DPP10: variants seen among roughly 807,000 people sequenced by gnomAD.
The protein encoded by DPP10 is inactive dipeptidyl peptidase 10.
DPP10 carries 33 observed loss-of-function variants against 120.9 expected under a neutral mutation model. That is an observed-to-expected ratio of 0.27 (90% CI 0.21 to 0.37). The LOEUF is 0.37. Ranked by LOEUF, DPP10 falls within the 10% of genes least tolerant of loss-of-function variation. DPP10 has a pLI of 1.00. For synonymous variants in DPP10, 337 were observed against 326.1 expected (o/e 1.03, Z -0.36); for missense variants, 816 against 942.8 (o/e 0.87, Z 1.76).
chr2:114,643,867 T>TTGTGTGTGTGTGTA lies in DPP10; in HGVS notation c.60+201051_60+201064dup, dbSNP rs1553475268. 9.3e-5 allele frequency among the ~76,000 whole-genome samples: 14 copies of TTGTGTGTGTGTGTA among 149,942 alleles called. No individual in the cohort carries two copies. In the South Asian group the frequency reaches 1.7e-3, roughly 18 times the overall value. On this transcript the variant is annotated intron_variant, in intron 1 of 25. Coordinates refer to ENST00000410059, the MANE Select transcript of DPP10 (RefSeq NM_020868.6). ...CTAAACCCACTTGATTAGTGTGTGT[T>TTGTGTGTGTGTGTA]TGTGTGTGTGTGTATGTGTGTGTGT... is the stretch of plus-strand genomic sequence containing the variant.
In DPP10 at chr2:114,671,735, G is replaced by A. The variant is rs1698355137; in HGVS notation, c.60+228897G>A. On this transcript the variant is annotated intron_variant, in intron 1 of 25. Transcript: ENST00000410059. Reference sequence around the variant, plus strand: ...TTTGCCAGTAAACATAATATGTAAGGGCTGCTGGGTTGTGTTACAGGTATT... The same window carrying A: ...TTTGCCAGTAAACATAATATGTAAGAGCTGCTGGGTTGTGTTACAGGTATT... Among the ~76,000 whole-genome samples the A allele has an allele frequency of 2.6e-5, 4 of 151,942 alleles. No homozygotes were observed. The South Asian group carries it at 8.3e-4, about 32-fold the overall frequency.
At chr2:115,210,435 G>A (rs969706964) in intron 1 of DPP10, among the ~76,000 whole-genome samples, 1 of 152,138 alleles carries the variant, frequency 6.6e-6, no homozygotes, top group East Asian at 1.9e-4. Context: ...GGACATTTGG[G>A]TTGGTTCCAA....
intron 5 of DPP10, among the ~76,000 whole-genome samples, chr2:115,623,318 AT>A (rs2149290098): frequency 6.6e-6 from 1 of 152,214 alleles, no homozygotes; most frequent in Non-Finnish European, 1.5e-5. Flanking sequence ...ATCATGTTTT[AT>A]TTACAAGTGA....
At chr2:115,279,593 G>GGGTAGCAT (rs2060059851) in intron 1 of DPP10, among the ~76,000 whole-genome samples, 2 of 147,960 alleles carry the variant, frequency 1.4e-5, no homozygotes, top group Admixed American at 1.3e-4. Context: ...CCAGAATTTT[G>GGGTAGCAT]GGTAGCATTT....
chr2:115,679,101 T>G (rs1161584359), intron 5 of DPP10, among the ~76,000 whole-genome samples: 1 of 152,184 alleles, frequency 6.6e-6, no homozygotes, highest in Non-Finnish European at 1.5e-5. Context: ...GACTTTGGAC[T>G]ATGGAATTTT....
chr2:115,625,900 G>A (rs879499421), intron 5 of DPP10, among the ~76,000 whole-genome samples: 2 of 151,922 alleles, frequency 1.3e-5, no homozygotes, highest in Admixed American at 6.6e-5. Flanking sequence ...TATAATTACA[G>A]TATTTTAACT....
chr2:115,614,458 C>A (rs992663806), intron 5 of DPP10, among the ~76,000 whole-genome samples: 5 of 152,176 alleles, frequency 3.3e-5, no homozygotes, highest in Admixed American at 6.5e-5. Flanking sequence ...CTGAGTCTCA[C>A]TTTCTTGCCC....
chr2:115,738,573 C>G (rs1676885659), intron 8 of DPP10, among the ~76,000 whole-genome samples: 1 of 152,086 alleles, frequency 6.6e-6, no homozygotes, highest in Non-Finnish European at 1.5e-5. Flanking sequence ...CCTATTTCAA[C>G]AAGCATTTGT....
intron 1 of DPP10, among the ~76,000 whole-genome samples, chr2:114,534,928 T>C (rs1356069259): frequency 1.3e-5 from 2 of 152,158 alleles, no homozygotes; most frequent in African/African-American, 4.8e-5. Context: ...ATTTGAGGAT[T>C]CTGTGGTGTA....
chr2:115,774,948 C>A (rs765587307), intron 13 of DPP10, among the ~76,000 whole-genome samples: 7 of 152,112 alleles, frequency 4.6e-5, no homozygotes, highest in Non-Finnish European at 7.4e-5. Context: ...TGACAGATTA[C>A]ACTCTCTGAA....
intron 3 of DPP10, among the ~76,000 whole-genome samples, chr2:115,471,625 C>T (rs2074724943): frequency 6.6e-6 from 1 of 151,184 alleles, no homozygotes; most frequent in Admixed American, 6.6e-5. Flanking sequence ...CTCACACTCT[C>T]ACACAGACTG....
At chr2:115,142,091 C>A (rs2050958452) in intron 1 of DPP10, among the ~76,000 whole-genome samples, 1 of 152,096 alleles carries the variant, frequency 6.6e-6, no homozygotes. Context: ...GAGTTATGTG[C>A]TCCATAGTTA....
intron 1 of DPP10, among the ~76,000 whole-genome samples, chr2:114,663,662 T>TAGAGAGAGAGAGAGAGAGAGAG (rs1407543024): frequency 2.0e-4 from 19 of 94,992 alleles, no homozygotes; most frequent in African/African-American, 1.2e-3. Context: ...TATATATATA[T>TAGAGAGAGAGAGAGAGAGAGAG]ATATATAGAG....
intron 1 of DPP10, among the ~76,000 whole-genome samples, chr2:115,207,389 T>A (rs17355679): frequency 7.3e-6 from 1 of 136,570 alleles, no homozygotes; most frequent in East Asian, 2.2e-4. Flanking sequence ...TAATGACTTG[T>A]GGGTTTTTAA....
chr2:115,719,522 T>G (rs1186545334), intron 7 of DPP10, among the ~76,000 whole-genome samples: 1 of 152,132 alleles, frequency 6.6e-6, no homozygotes, highest in East Asian at 1.9e-4. Context: ...ACAGAGAGAT[T>G]TATTTAAGAC....
At chr2:115,403,044 AAC>A (rs1459321152) in intron 3 of DPP10, among the ~76,000 whole-genome samples, 1 of 150,876 alleles carries the variant, frequency 6.6e-6, no homozygotes, top group Admixed American at 6.6e-5. Context: ...CCAGTTCAAG[AAC>A]ACATTAAAAG....
intron 1 of DPP10, among the ~76,000 whole-genome samples, chr2:114,683,803 G>T (rs553967143): frequency 2.6e-5 from 4 of 151,654 alleles, no homozygotes; most frequent in Non-Finnish European, 5.9e-5. Flanking sequence ...GAAAGCTCAG[G>T]GACATCAGCC....
At chr2:114,578,531 CA>C (rs146272955) in intron 1 of DPP10, among the ~76,000 whole-genome samples, 1,526 of 152,138 alleles carry the variant, frequency 0.01, 29 homozygotes, top group African/African-American at 0.034. Context: ...ACATCTTTCC[CA>C]ACTCCCATTT....
chr2:114,690,492 A>G (rs1016020314), intron 1 of DPP10, among the ~76,000 whole-genome samples: 14 of 151,856 alleles, frequency 9.2e-5, no homozygotes, highest in African/African-American at 3.4e-4. Context: ...GTAGCCTTGT[A>G]ATAATATAGT....
Sources: gnomAD v4.1 joint callset for allele counts (sites outside exome capture counted in the v4.1 genomes callset) on GRCh38, gnomAD v4.1.1 for gene constraint, MANE v1.5 for transcripts, NCBI Gene and HGNC (gene_info 2026-07-23, HGNC 2026-07-21) for gene names.